Variants in ARMH3 observed in about 807,000 individuals in gnomAD.
ARMH3 encodes the protein armadillo-like helical domain-containing protein 3.
ARMH3 carries 60 observed loss-of-function variants against 99.1 expected under a neutral mutation model. The observed-to-expected ratio is 0.61, with a 90% CI of 0.49 to 0.75. The LOEUF (loss-of-function observed/expected upper bound fraction) is 0.75, where lower values mean the gene tolerates loss of function less well. Ranked by LOEUF, ARMH3 falls within the 30% of genes least tolerant of loss-of-function variation. ARMH3 has a pLI of 0.00. For synonymous variants in ARMH3, 285 were observed against 292.8 expected (o/e 0.97, Z 0.27); for missense variants, 679 against 843.1 (o/e 0.81, Z 2.41).
intron 22 of ARMH3, among the ~76,000 whole-genome samples, chr10:101,940,743 G>A (rs569987111): frequency 6.6e-6 from 1 of 152,120 alleles, no homozygotes; most frequent in Non-Finnish European, 1.5e-5. Context: ...CCTGCAAAAT[G>A]AATCTACAAG....
intron 25 of ARMH3, among the ~76,000 whole-genome samples, chr10:101,847,948 G>A (rs1295587086): frequency 6.6e-6 from 1 of 152,176 alleles, no homozygotes; most frequent in Admixed American, 6.5e-5. Flanking sequence ...GCAGAAGGGG[G>A]ACTGGGCTGC....
chr10:101,966,148 G>A (rs1845528194), intron 20 of ARMH3, among the ~76,000 whole-genome samples: 1 of 146,276 alleles, frequency 6.8e-6, no homozygotes, highest in Non-Finnish European at 1.5e-5. Context: ...TGTCACCCAG[G>A]CTGGAGTGGT....
At chr10:101,990,689 T>G in intron 18 of ARMH3, 78 bp from the exon 19 acceptor site, 1 of 1,130,438 alleles carries the variant, frequency 8.8e-7, no homozygotes, top group South Asian at 1.3e-5. Flanking sequence ...AAAAAGCTTC[T>G]GAGTACACCT....
intron 22 of ARMH3, among the ~76,000 whole-genome samples, chr10:101,955,086 T>C (rs1339614100): frequency 6.6e-6 from 1 of 152,176 alleles, no homozygotes; most frequent in African/African-American, 2.4e-5. Context: ...TCTCAGGAAG[T>C]TGGTGAAGCC....
At chr10:102,044,089 TTC>T (rs1246308789) in intron 1 of ARMH3, among the ~76,000 whole-genome samples, 1 of 150,500 alleles carries the variant, frequency 6.6e-6, no homozygotes, top group Non-Finnish European at 1.5e-5. Context: ...GCTAATTTTT[TTC>T]TTTTTTTTTT....
intron 24 of ARMH3, among the ~76,000 whole-genome samples, chr10:101,881,418 G>GGA (rs2067414295): frequency 6.6e-6 from 1 of 152,126 alleles, no homozygotes; most frequent in Non-Finnish European, 1.5e-5. Context: ...GGGCAGCTGA[G>GGA]GGTTGGGGGG....
At chr10:101,967,513 T>C (rs1266096354) in intron 20 of ARMH3, among the ~76,000 whole-genome samples, 1 of 152,006 alleles carries the variant, frequency 6.6e-6, no homozygotes, top group African/African-American at 2.4e-5. Context: ...CCAAGGTAGG[T>C]GGATCACAAG....
chr10:101,892,582 C>T (rs966563785), intron 23 of ARMH3, among the ~76,000 whole-genome samples: 1 of 151,884 alleles, frequency 6.6e-6, no homozygotes, highest in Non-Finnish European at 1.5e-5. Flanking sequence ...ACCATTTAAT[C>T]TAATTCAGGT....
intron 1 of ARMH3, among the ~76,000 whole-genome samples, chr10:102,048,290 T>C (rs1283446126): frequency 5.3e-5 from 8 of 152,226 alleles, no homozygotes; most frequent in African/African-American, 1.9e-4. Flanking sequence ...ACACTGACTA[T>C]AGTATCCACA....
At chr10:101,870,374 T>C (rs2067105161) in intron 24 of ARMH3, among the ~76,000 whole-genome samples, 1 of 152,212 alleles carries the variant, frequency 6.6e-6, no homozygotes, top group Non-Finnish European at 1.5e-5. Context: ...ATTAAAATGT[T>C]TTCCACAGAA....
At chr10:101,879,732 T>C (rs1323604284) in intron 24 of ARMH3, among the ~76,000 whole-genome samples, 3 of 152,142 alleles carry the variant, frequency 2.0e-5, no homozygotes, top group Non-Finnish European at 4.4e-5. Context: ...CTTTTATCTA[T>C]TTGCACGTAT....
intron 25 of ARMH3, 71 bp from the exon 26 acceptor site, chr10:101,847,691 C>CA (rs1176318101): frequency 2.2e-6 from 3 of 1,395,268 alleles, no homozygotes; most frequent in Non-Finnish European, 3.1e-6. Context: ...CAGTTCTAAA[C>CA]GGCAGAGGAC....
chr10:101,970,271 C>T (rs184739344), intron 20 of ARMH3, among the ~76,000 whole-genome samples: 1 of 152,228 alleles, frequency 6.6e-6, no homozygotes. Flanking sequence ...ATGAGAAAAA[C>T]AAAAGAAATT....
At chr10:101,942,865 CAAA>C (rs1048644026) in intron 22 of ARMH3, among the ~76,000 whole-genome samples, 8 of 91,072 alleles carry the variant, frequency 8.8e-5, no homozygotes, top group Admixed American at 2.3e-4. Context: ...GACTCCATCT[CAAA>C]AAAAAAAAAA....
At chr10:102,026,586 T>C (rs2067006360) in intron 5 of ARMH3, among the ~76,000 whole-genome samples, 1 of 152,084 alleles carries the variant, frequency 6.6e-6, no homozygotes, top group Non-Finnish European at 1.5e-5. Context: ...AGGAAAGAAA[T>C]GGCCCTGGTG....
intron 23 of ARMH3, among the ~76,000 whole-genome samples, chr10:101,919,753 T>G (rs900101939): frequency 6.6e-6 from 1 of 152,230 alleles, no homozygotes; most frequent in Non-Finnish European, 1.5e-5. Context: ...CTGTTGCAGA[T>G]ATCCTATTTA....
chr10:102,012,786 T>C (rs2136116913), intron 10 of ARMH3, 47 bp downstream of exon 10: 1 of 1,550,070 alleles, frequency 6.5e-7, no homozygotes, highest in African/African-American at 1.4e-5. Context: ...TAACAACCAA[T>C]TCAAATGAAA....
intron 22 of ARMH3, among the ~76,000 whole-genome samples, chr10:101,955,403 C>T (rs1164100949): frequency 2.0e-5 from 3 of 152,176 alleles, no homozygotes; most frequent in African/African-American, 7.2e-5. Context: ...TGATACTTGC[C>T]ATTGAAAACA....
intron 20 of ARMH3, among the ~76,000 whole-genome samples, chr10:101,961,858 T>G (rs1845312876): frequency 6.6e-6 from 1 of 152,250 alleles, no homozygotes; most frequent in Non-Finnish European, 1.5e-5. Flanking sequence ...ATAGTACGGT[T>G]AATCAGTCAT....
Sources: gnomAD v4.1 joint callset for allele counts (sites outside exome capture counted in the v4.1 genomes callset) on GRCh38, gnomAD v4.1.1 for gene constraint, MANE v1.5 for transcripts, NCBI Gene and HGNC (gene_info 2026-07-23, HGNC 2026-07-21) for gene names.